Variants in PCDH9 observed in about 807,000 individuals in gnomAD.
The protein encoded by PCDH9 is protocadherin 9, also known as protocadherin-9.
A neutral mutation model predicts 70.6 loss-of-function variants in PCDH9; 24 were observed. That is an observed-to-expected ratio of 0.34 (90% CI 0.25 to 0.48). PCDH9 has a LOEUF of 0.48. Ranked by LOEUF, PCDH9 falls within the 20% of genes least tolerant of loss-of-function variation. The probability of loss-of-function intolerance (pLI) is 0.99; values close to 1 mark genes in which losing one functional copy is unlikely to be tolerated. For missense variants in PCDH9, 1,281 were observed against 1,503.6 expected, an observed-to-expected ratio of 0.85 and a Z score of 2.45; for synonymous variants, 562 against 558.5, an observed-to-expected ratio of 1.01 and a Z score of -0.09.
intron 4 of PCDH9, among the ~76,000 whole-genome samples, chr13:66,445,827 C>T (rs1420202740): frequency 1.4e-5 from 2 of 138,114 alleles, no homozygotes; most frequent in Non-Finnish European, 3.0e-5. Flanking sequence ...CACATATATA[C>T]ACACACACAC....
chr13:67,176,256 G>A (rs9571726), intron 2 of PCDH9, among the ~76,000 whole-genome samples: 18,521 of 152,080 alleles, frequency 0.12, 1,352 homozygotes, highest in East Asian at 0.21. Context: ...GTTAATAAGG[G>A]AAGTAGAGAA....
intron 4 of PCDH9, among the ~76,000 whole-genome samples, chr13:66,386,853 A>G (rs1956937911): frequency 1.3e-5 from 2 of 152,178 alleles, no homozygotes; most frequent in Non-Finnish European, 2.9e-5. Context: ...CTTAAAGTCA[A>G]TTTGCTATAT....
At chr13:66,913,230 G>C (rs750404933) in intron 2 of PCDH9, among the ~76,000 whole-genome samples, 4 of 151,992 alleles carry the variant, frequency 2.6e-5, no homozygotes, top group Non-Finnish European at 5.9e-5. Flanking sequence ...ATATTTGTAA[G>C]AGTATAGATC....
chr13:66,580,674 C>T lies in PCDH9; in HGVS notation c.3340+50536G>A, dbSNP rs369369803. Among the ~76,000 whole-genome samples, 24 of 152,002 alleles carry T rather than the reference C, an allele frequency of 1.6e-4. No individual in the cohort carries two copies. The East Asian group carries it at 1.8e-3, about 11-fold the overall frequency. On this transcript the variant is annotated intron_variant, in intron 4 of 4. Coordinates refer to ENST00000377865, the MANE Select transcript of PCDH9 (RefSeq NM_203487.3). Reference sequence around the variant, plus strand: ...CTTCCCACCACCACCCCACACTGTACAGCTTAGCATTTAACAATATTAGGC... The same window carrying T: ...CTTCCCACCACCACCCCACACTGTATAGCTTAGCATTTAACAATATTAGGC...
Position 66,344,974 on chromosome 13 carries a change from C to T in PCDH9, c.3341-39946G>A, listed in dbSNP as rs180902959. Among the ~76,000 whole-genome samples the T allele has an allele frequency of 4.3e-3, 660 of 152,278 alleles. 1 individual carries two copies. The highest frequency in any genetic ancestry group is 6.5e-3 in the Non-Finnish European group (444 of 68,032). On this transcript the variant is annotated intron_variant, in intron 4 of 4. Coordinates refer to ENST00000377865, the MANE Select transcript of PCDH9 (RefSeq NM_203487.3). Reference sequence around the variant, plus strand: ...TTTCTTGATTGCCTTCTTTAAAATGCCAGGAACTTAAGCTGGGCTTTCTTA... The same window carrying T: ...TTTCTTGATTGCCTTCTTTAAAATGTCAGGAACTTAAGCTGGGCTTTCTTA...
intron 4 of PCDH9, among the ~76,000 whole-genome samples, chr13:66,309,637 CTTT>C (rs1484322305): frequency 6.6e-6 from 1 of 151,376 alleles, no homozygotes; most frequent in Non-Finnish European, 1.5e-5. Flanking sequence ...AACTGTAATC[CTTT>C]TTCTTTGATA....
At chr13:66,634,408 T>G (rs2077611343) in intron 3 of PCDH9, among the ~76,000 whole-genome samples, 1 of 152,154 alleles carries the variant, frequency 6.6e-6, no homozygotes, top group African/African-American at 2.4e-5. Flanking sequence ...TAAATTGACA[T>G]GCAGAAAAAC....
intron 4 of PCDH9, among the ~76,000 whole-genome samples, chr13:66,310,899 C>T (rs1057465174): frequency 3.9e-5 from 6 of 152,014 alleles, no homozygotes; most frequent in South Asian, 2.1e-4. Flanking sequence ...GTAGTAAGAA[C>T]ATACATCACT....
intron 3 of PCDH9, among the ~76,000 whole-genome samples, chr13:66,767,111 T>A: frequency 6.6e-6 from 1 of 151,952 alleles, no homozygotes; most frequent in East Asian, 1.9e-4. Flanking sequence ...GCAGTAGAAA[T>A]CTACGTGAAG....
intron 2 of PCDH9, among the ~76,000 whole-genome samples, chr13:67,094,048 T>A (rs1219602560): frequency 6.6e-6 from 1 of 152,106 alleles, no homozygotes; most frequent in Non-Finnish European, 1.5e-5. Context: ...ATAAAAAAAA[T>A]CTTTATACCC....
intron 2 of PCDH9, among the ~76,000 whole-genome samples, chr13:67,111,706 T>C (rs572410397): frequency 6.6e-6 from 1 of 152,196 alleles, no homozygotes; most frequent in Non-Finnish European, 1.5e-5. Context: ...GAAATTAGCA[T>C]GTCAAGTCTT....
intron 2 of PCDH9, among the ~76,000 whole-genome samples, chr13:66,968,683 A>G (rs2083469032): frequency 6.6e-6 from 1 of 152,064 alleles, no homozygotes; most frequent in Non-Finnish European, 1.5e-5. Context: ...AACCTATCAT[A>G]CATTAAAATC....
At chr13:66,449,915 T>A (rs977251986) in intron 4 of PCDH9, among the ~76,000 whole-genome samples, 6 of 152,118 alleles carry the variant, frequency 3.9e-5, no homozygotes, top group African/African-American at 1.4e-4. Flanking sequence ...AATGCCTAGA[T>A]CAAAAAACAT....
intron 3 of PCDH9, among the ~76,000 whole-genome samples, chr13:66,659,155 A>T (rs1252369822): frequency 6.6e-6 from 1 of 152,206 alleles, no homozygotes; most frequent in Non-Finnish European, 1.5e-5. Flanking sequence ...AATAATAACA[A>T]AAATATATTA....
Position 67,135,786 on chromosome 13 carries a change from G to A in PCDH9, c.3036+89619C>T, listed in dbSNP as rs369183736. Among the ~76,000 whole-genome samples the A allele has an allele frequency of 1.2e-4, 19 of 152,210 alleles. No individual in the cohort carries two copies. The East Asian group carries it at 3.3e-3, about 26-fold the overall frequency. On this transcript the variant is annotated intron_variant, in intron 2 of 4. Transcript: ENST00000377865. ...GTAGTACATTTGCAAAGTGAAGAGAGGTGCTGGCATGTTTTTCTTTCAGAT... is the reference window on the plus strand; with the variant it reads ...GTAGTACATTTGCAAAGTGAAGAGAAGTGCTGGCATGTTTTTCTTTCAGAT...
intron 4 of PCDH9, among the ~76,000 whole-genome samples, chr13:66,532,485 T>C (rs1187125397): frequency 2.0e-5 from 3 of 152,116 alleles, no homozygotes; most frequent in African/African-American, 7.2e-5. Context: ...TAAACAAAAA[T>C]TCTTGGCAAT....
At chr13:67,118,780 C>G (rs2086825101) in intron 2 of PCDH9, among the ~76,000 whole-genome samples, 1 of 152,140 alleles carries the variant, frequency 6.6e-6, no homozygotes, top group Non-Finnish European at 1.5e-5. Flanking sequence ...ATCTATGACA[C>G]CACAGCACCT....
chr13:66,455,462 G>A (rs1958299978), intron 4 of PCDH9, among the ~76,000 whole-genome samples: 1 of 151,892 alleles, frequency 6.6e-6, no homozygotes, highest in East Asian at 1.9e-4. Context: ...CAGAAATCAA[G>A]GACAAACTAT....
chr13:67,018,515 A>C lies in PCDH9; in HGVS notation c.3037-114910T>G, dbSNP rs554327653. 8.6e-5 allele frequency among the ~76,000 whole-genome samples: 13 copies of C among 151,110 alleles called. No homozygotes were observed. The South Asian group carries it at 2.7e-3, about 32-fold the overall frequency. On this transcript the variant is annotated intron_variant, in intron 2 of 4. Coordinates refer to ENST00000377865, the MANE Select transcript of PCDH9 (RefSeq NM_203487.3). ...CTGCCTGTAGTCCCAGCTACTCAGG[A>C]GGCTGAGAGAGGAGAATTGCTTAAA... is the stretch of plus-strand genomic sequence containing the variant.
Sources: gnomAD v4.1 joint callset for allele counts (sites outside exome capture counted in the v4.1 genomes callset) on GRCh38, gnomAD v4.1.1 for gene constraint, MANE v1.5 for transcripts, NCBI Gene and HGNC (gene_info 2026-07-23, HGNC 2026-07-21) for gene names.